The following IL17RD variants were observed in gnomAD, a reference collection of about 807,000 sequenced individuals.
The protein encoded by IL17RD is interleukin 17 receptor D.
A neutral mutation model predicts 80.5 loss-of-function variants in IL17RD; 52 were observed. That is an observed-to-expected ratio of 0.65 (90% CI 0.52 to 0.81). IL17RD has a LOEUF of 0.81. IL17RD is among the 40% of genes least tolerant of loss of function. The pLI is 0.00. For synonymous variants in IL17RD, 416 were observed against 391.8 expected, an observed-to-expected ratio of 1.06 and a Z score of -0.73; for missense variants, 1,024 against 955.1, an observed-to-expected ratio of 1.07 and a Z score of -0.95.
Position 57,096,164 on chromosome 3 carries a change from C to T in IL17RD, c.*229G>A. ...CAAATTTGGCAAGCTGTTGTCAGAC[C>T]TTATGGACATGCCTTTCAGAGCTCC... On this transcript the variant is annotated 3_prime_UTR_variant, in exon 13 of 13. Transcript: ENST00000296318. 5 of 526,266 alleles carry T rather than the reference C, an allele frequency of 9.5e-6. No individual in the cohort carries two copies. The highest frequency in any genetic ancestry group is 1.4e-5 in the Non-Finnish European group (4 of 290,174). The allele number at this position is 526,266 out of a possible 1,614,324, so 32.6% of individuals were successfully genotyped here. A position where few individuals can be genotyped will look rare whatever the true frequency, so the allele number is the denominator to read the frequency against.
chr3:57,134,118 G>A (rs1012089074), intron 1 of IL17RD: 33 of 559,676 alleles, frequency 5.9e-5, no homozygotes, highest in African/African-American at 5.1e-4. Flanking sequence ...CATTGCTTTC[G>A]CTGCTGCGGC....
chr3:57,140,081 G>A (rs1332818043), intron 1 of IL17RD, among the ~76,000 whole-genome samples: 3 of 151,906 alleles, frequency 2.0e-5, no homozygotes, highest in African/African-American at 7.3e-5. Flanking sequence ...TAAAGATACC[G>A]AGCCGGGCAC....
chr3:57,098,133 G>C lies in IL17RD; in HGVS notation c.1570C>G (p.His524Asp), dbSNP rs145323402. ...RDHGLQEPGQ[H>D]TRQGSRRNYF... is the part of the protein sequence containing the mutation. ...TTCCTTCTGCTGCCCTGTCGCGTGTGCTGCCCCGGCTCCTGGAGGCCGTGG... is the reference window on the plus strand; with the variant it reads ...TTCCTTCTGCTGCCCTGTCGCGTGTCCTGCCCCGGCTCCTGGAGGCCGTGG... Residue 524 changes from histidine (H) to aspartate (D), a missense_variant, in exon 12 of 13, where the codon CAC becomes GAC. Transcript: ENST00000296318. 93 of 1,613,872 alleles carry C rather than the reference G, an allele frequency of 5.8e-5. No individual in the cohort carries two copies. The highest frequency in any genetic ancestry group is 7.4e-5 in the Non-Finnish European group (87 of 1,179,904).
intron 1 of IL17RD, chr3:57,134,386 C>G: frequency 1.4e-6 from 1 of 701,378 alleles, no homozygotes; most frequent in Non-Finnish European, 2.6e-6. Context: ...CGAAAGGGTA[C>G]AGCCAATGCC....
At position 57,105,340 on chromosome 3, in the gene IL17RD, C is replaced by T. The variant is rs184431013; in HGVS notation, c.747+517G>A. ...ATCACTTGAGGTCAGGAGTCTAAGA[C>T]CAGCCTGGGCAACATGGTGAACCCC... On this transcript the variant is annotated intron_variant, in intron 7 of 12. Transcript: ENST00000296318. 3.8e-4 allele frequency among the ~76,000 whole-genome samples: 58 copies of T among 151,746 alleles called. 2 individuals are homozygous for T. In the East Asian group the frequency reaches 0.01, roughly 27 times the overall value.
intron 1 of IL17RD, among the ~76,000 whole-genome samples, chr3:57,131,915 G>T (rs1039177511): frequency 6.6e-6 from 1 of 152,254 alleles, no homozygotes; most frequent in Admixed American, 6.5e-5. Context: ...GCCAGCCATG[G>T]TGGCTCACAC....
chr3:57,096,051 G>A lies in IL17RD; in HGVS notation c.*342C>T. On this transcript the variant is annotated 3_prime_UTR_variant, in exon 13 of 13. Coordinates refer to ENST00000296318, the MANE Select transcript of IL17RD (RefSeq NM_017563.5). ...GGCAAAGTTTGCAGAGCTCAATGAA[G>A]TCTGAATGATTAGTGCAGGTATCTT... The A allele has an allele frequency of 4.5e-6, 1 of 221,626 alleles. No individual in the cohort carries two copies. Among genetic ancestry groups the A allele is most frequent in the East Asian group, 1.0e-4 (1 of 9,964 alleles). The allele number at this position is 221,626 out of a possible 1,614,324, so 13.7% of individuals were successfully genotyped here. A position where few individuals can be genotyped will look rare whatever the true frequency, so the allele number is the denominator to read the frequency against.
intron 7 of IL17RD, among the ~76,000 whole-genome samples, chr3:57,104,830 C>G (rs1035770234): frequency 2.0e-5 from 3 of 152,202 alleles, no homozygotes; most frequent in Non-Finnish European, 2.9e-5. Context: ...CAAACTATGA[C>G]AGAACCTGAC....
chr3:57,116,216 C>T (rs1392731541), intron 2 of IL17RD, among the ~76,000 whole-genome samples: 2 of 152,080 alleles, frequency 1.3e-5, no homozygotes, highest in Non-Finnish European at 1.5e-5. Context: ...ATTAGGCACA[C>T]TCCCTTCCTC....
intron 7 of IL17RD, 139 bp downstream of exon 7, chr3:57,105,718 C>CA: frequency 1.5e-6 from 1 of 665,366 alleles, no homozygotes; most frequent in Non-Finnish European, 2.5e-6. Flanking sequence ...GAGACATGCC[C>CA]AATGATTACA....
rs997972612 is a variant in IL17RD at position 57,110,210 on chromosome 3, T to C, written c.412A>G (p.Ser138Gly). ...TGACTTACAGTTCTTTTGAAGCTACTGTTGAGCTGCTTCGGATCCTTTAGA... is the reference window on the plus strand; with the variant it reads ...TGACTTACAGTTCTTTTGAAGCTACCGTTGAGCTGCTTCGGATCCTTTAGA... ...LILKDPKQLN[S>G]SFKRTGMESQ... The change falls in exon 4 of 13, where the codon AGT (serine) becomes GGT (glycine). Residue 138 changes from serine to glycine, a missense_variant. Transcript: ENST00000296318. The C allele has an allele frequency of 6.2e-7, 1 of 1,600,502 alleles. No individual in the cohort carries two copies. Among genetic ancestry groups the C allele is most frequent in the Non-Finnish European group, 8.5e-7 (1 of 1,172,904 alleles).
intron 1 of IL17RD, among the ~76,000 whole-genome samples, chr3:57,141,310 T>C (rs1707823950): frequency 6.6e-6 from 1 of 152,248 alleles, no homozygotes; most frequent in South Asian, 2.1e-4. Flanking sequence ...ACCACCGGTC[T>C]GAACAGAACC....
chr3:57,109,369 AC>A (rs1396475733), intron 5 of IL17RD, among the ~76,000 whole-genome samples, 167 bp downstream of exon 5: 2 of 151,564 alleles, frequency 1.3e-5, no homozygotes, highest in African/African-American at 4.9e-5. Flanking sequence ...CTGGTCTCGA[AC>A]TCCTGACCTT....
chr3:57,165,382 A>C (rs1265838287), upstream of IL17RD: 1 of 1,071,758 alleles, frequency 9.3e-7, no homozygotes, highest in Non-Finnish European at 1.2e-6. Flanking sequence ...CCGCGGCGGC[A>C]GCGAAGGGGA....
intron 5 of IL17RD, among the ~76,000 whole-genome samples, chr3:57,108,508 G>GTTTTTT (rs1559469762): frequency 1.9e-5 from 1 of 53,806 alleles, no homozygotes; most frequent in African/African-American, 8.9e-5. Context: ...TTGATACATG[G>GTTTTTT]CTTTTTTTTT....
intron 1 of IL17RD, among the ~76,000 whole-genome samples, chr3:57,164,322 G>A (rs1030668088): frequency 1.3e-5 from 2 of 152,160 alleles, no homozygotes; most frequent in African/African-American, 2.4e-5. Flanking sequence ...GCCCAGGTAG[G>A]GAGCAGGGAA....
Position 57,097,819 on chromosome 3 carries a change from G to T in IL17RD, c.1884C>A (p.Asp628Glu). 3.1e-6 allele frequency: 5 copies of T among 1,610,092 alleles called. No individual in the cohort carries two copies. Among genetic ancestry groups the T allele is most frequent in the Non-Finnish European group, 4.2e-6 (5 of 1,178,228 alleles). Residue 628 changes from aspartate to glutamate, a missense_variant, in exon 12 of 13, where the codon GAC (aspartate) becomes GAA (glutamate). Asp to Glu is a conservative substitution (Grantham distance 45, BLOSUM62 2). Transcript: ENST00000296318. ...GGGCAGGCCGGGCCTCCCCGTCTTG[G>T]TCCAGGCCCCCATGCTGACTCTCGT... is the stretch of plus-strand genomic sequence containing the variant. ...SQHESQHGGLDQDGEARPALD... is the reference protein window; with the variant it reads ...SQHESQHGGLEQDGEARPALD...
At position 57,094,601 on chromosome 3, in the gene IL17RD, C is replaced by T. The variant is rs971035171; in HGVS notation, c.*1792G>A. 6.6e-6 allele frequency: 1 copy of T among 152,204 alleles called. No individual in the cohort carries two copies. Among genetic ancestry groups the T allele is most frequent in the African/African-American group, 2.4e-5 (1 of 41,448 alleles). The allele number at this position is 152,204 out of a possible 1,614,324, so 9.4% of individuals were successfully genotyped here. On this transcript the variant is annotated 3_prime_UTR_variant, in exon 13 of 13. Coordinates refer to ENST00000296318, the MANE Select transcript of IL17RD (RefSeq NM_017563.5). Reference sequence around the variant, plus strand: ...CTAATGGTTCCTCTGGGACAGGAAACATCTCTTGGCCTCAATAAGAAATCT... The same window carrying T: ...CTAATGGTTCCTCTGGGACAGGAAATATCTCTTGGCCTCAATAAGAAATCT...
rs1013108830 is a variant in IL17RD at position 57,154,279 on chromosome 3, TATATACACAC to T, written c.126+10872_126+10881del. Among the ~76,000 whole-genome samples the T allele has an allele frequency of 2.5e-4, 31 of 126,332 alleles. No individual in the cohort carries two copies. In the South Asian group the frequency reaches 3.4e-3, roughly 14 times the overall value. 82.9% of individuals were successfully genotyped at this position (126,332 alleles called of 152,430 possible). A position where few individuals can be genotyped will look rare whatever the true frequency, so the allele number is the denominator to read the frequency against. On this transcript the variant is annotated intron_variant, in intron 1 of 12. Coordinates refer to ENST00000296318, the MANE Select transcript of IL17RD (RefSeq NM_017563.5). ...AAAAAATTATATATATATATATATA[TATATACACAC>T]ACACACACACACATACATACACGTC...
Sources: allele counts gnomAD v4.1 joint callset (sites outside exome capture counted in the v4.1 genomes callset), GRCh38; gene constraint gnomAD v4.1.1; transcripts MANE v1.5; gene names NCBI Gene and HGNC (gene_info 2026-07-23, HGNC 2026-07-21).